Variants in SHANK2 observed in about 807,000 individuals in gnomAD.
SHANK2 encodes SH3 and multiple ankyrin repeat domains protein 2.
Under a neutral mutation model 133.7 loss-of-function variants are expected in SHANK2, and 43 were observed. The observed-to-expected ratio is 0.32, with a 90% CI of 0.25 to 0.41. SHANK2 has a LOEUF of 0.41. Ranked by LOEUF, SHANK2 falls within the 10% of genes least tolerant of loss-of-function variation. The pLI, the probability that SHANK2 is intolerant of heterozygous loss-of-function variation, is 1.00. For missense variants in SHANK2, 1,994 were observed against 2,235.8 expected (o/e 0.89, Z 2.18); for synonymous variants, 1,017 against 952.8 (o/e 1.07, Z -1.24).
chr11:70,661,557 A>T, intron 16 of SHANK2, 39 bp downstream of exon 16: 1 of 1,458,316 alleles, frequency 6.9e-7, no homozygotes, highest in Non-Finnish European at 9.5e-7. Flanking sequence ...ACACACACAA[A>T]CATGGGAACA....
At chr11:70,805,436 T>G (rs962116588) in intron 13 of SHANK2, among the ~76,000 whole-genome samples, 2 of 152,204 alleles carry the variant, frequency 1.3e-5, no homozygotes, top group African/African-American at 2.4e-5. Flanking sequence ...AGAACGGGGT[T>G]GCTAACAAGG....
At chr11:71,206,597 A>G (rs4245413) in intron 2 of SHANK2, among the ~76,000 whole-genome samples, 57,200 of 151,892 alleles carry the variant, frequency 0.38, 12,995 homozygotes, top group East Asian at 0.64. Context: ...ACCTCCAAAA[A>G]ACTAGCTTGC....
At chr11:70,613,512 T>C (rs377716304) in intron 17 of SHANK2, among the ~76,000 whole-genome samples, 1 of 151,994 alleles carries the variant, frequency 6.6e-6, no homozygotes, top group East Asian at 1.9e-4. Context: ...CATGTTTTTC[T>C]TTTTTTAAAA....
chr11:70,548,619 G>C (rs1345335838), intron 17 of SHANK2, among the ~76,000 whole-genome samples: 9 of 152,218 alleles, frequency 5.9e-5, no homozygotes, highest in Non-Finnish European at 1.0e-4. Context: ...GTGGTCTATG[G>C]GAGAGGCTGC....
chr11:71,237,171 T>A (rs1954835479), intron 1 of SHANK2, among the ~76,000 whole-genome samples: 1 of 152,178 alleles, frequency 6.6e-6, no homozygotes, highest in African/African-American at 2.4e-5. Context: ...GCTCCCCCTC[T>A]TGCTGCCCTT....
intron 10 of SHANK2, among the ~76,000 whole-genome samples, chr11:70,937,797 TG>T (rs1950592111): frequency 6.6e-6 from 1 of 151,930 alleles, no homozygotes; most frequent in African/African-American, 2.4e-5. Context: ...AACCGCTTAT[TG>T]TTGAGGAACA....
intron 24 of SHANK2, among the ~76,000 whole-genome samples, chr11:70,488,775 C>G (rs1374906045): frequency 1.3e-5 from 2 of 152,248 alleles, no homozygotes; most frequent in African/African-American, 4.8e-5. Context: ...TGTGGCTGAC[C>G]TGGCACAAAG....
intron 17 of SHANK2, among the ~76,000 whole-genome samples, chr11:70,504,129 C>T (rs368812583): frequency 2.0e-5 from 3 of 152,346 alleles, no homozygotes; most frequent in East Asian, 1.9e-4. Context: ...GCACCCTGAT[C>T]GTAAACAACA....
At chr11:70,513,740 G>T (rs2059233197) in intron 17 of SHANK2, among the ~76,000 whole-genome samples, 1 of 152,150 alleles carries the variant, frequency 6.6e-6, no homozygotes, top group Non-Finnish European at 1.5e-5. Flanking sequence ...GCATCAGCTG[G>T]GCTTAACATC....
intron 1 of SHANK2, among the ~76,000 whole-genome samples, chr11:71,225,198 G>A (rs1954619763): frequency 1.3e-5 from 2 of 152,174 alleles, no homozygotes; most frequent in Non-Finnish European, 2.9e-5. Context: ...CAGCTAACAG[G>A]GCAATATATT....
chr11:71,061,993 T>TC (rs1950993978), intron 9 of SHANK2, among the ~76,000 whole-genome samples: 5 of 144,734 alleles, frequency 3.5e-5, no homozygotes, highest in Admixed American at 6.8e-5. Context: ...TTTTTTTTTT[T>TC]CTTGAGACAG....
chr11:71,208,380 A>T (rs1405227679), intron 2 of SHANK2, among the ~76,000 whole-genome samples: 2 of 152,126 alleles, frequency 1.3e-5, no homozygotes, highest in Non-Finnish European at 2.9e-5. Context: ...CCAAGGATGG[A>T]CTGGGTGAGG....
chr11:70,543,549 G>C lies in SHANK2; in HGVS notation c.2062-40618C>G, dbSNP rs938201833. Among the ~76,000 whole-genome samples, 5 of 152,318 alleles carry C rather than the reference G, an allele frequency of 3.3e-5. No individual in the cohort carries two copies. The East Asian group carries it at 7.7e-4, about 24-fold the overall frequency. On this transcript the variant is annotated intron_variant, in intron 17 of 25. Coordinates refer to ENST00000601538, the MANE Select transcript of SHANK2 (RefSeq NM_012309.5). Reference sequence around the variant, plus strand: ...GAGTTTCTGAATAGATGAACACGTGGAGGTTCCTTGGGGGTGGCGTGCCTG... The same window carrying C: ...GAGTTTCTGAATAGATGAACACGTGCAGGTTCCTTGGGGGTGGCGTGCCTG...
chr11:70,698,944 G>A (rs1945460522), intron 14 of SHANK2, among the ~76,000 whole-genome samples, 181 bp from the exon 15 acceptor site: 3 of 152,142 alleles, frequency 2.0e-5, no homozygotes, highest in Admixed American at 1.3e-4. Context: ...GTGAAATTTG[G>A]GGAATGCATG....
intron 17 of SHANK2, among the ~76,000 whole-genome samples, chr11:70,567,230 C>T (rs1421636005): frequency 6.6e-6 from 1 of 152,176 alleles, no homozygotes; most frequent in Non-Finnish European, 1.5e-5. Context: ...CTCCGGTACT[C>T]AAGGGTGTGA....
chr11:70,485,837 C>T lies in SHANK2; in HGVS notation c.4456G>A (p.Val1486Ile), dbSNP rs781958792. The change falls in exon 25 of 26, where the codon GTC (valine) becomes ATC (isoleucine). Residue 1486 changes from valine to isoleucine, a missense_variant. Around this residue, in one of 5 missense-constraint regions of SHANK2, gnomAD observed 797 missense variants for 907.4 expected, o/e 0.88. Coordinates refer to ENST00000601538, the MANE Select transcript of SHANK2 (RefSeq NM_012309.5). This position sits in a 1 kb window ranked among gnomAD's most constrained non-coding sequence, Gnocchi z 5.8. ...FLPPPESFDAVADSGIEEVDS... is the reference protein window; with the variant it reads ...FLPPPESFDAIADSGIEEVDS... ...ACCTCCTCGATCCCAGAGTCGGCGACGGCGTCAAAGCTTTCAGGGGGTGGC... is the reference window on the plus strand; with the variant it reads ...ACCTCCTCGATCCCAGAGTCGGCGATGGCGTCAAAGCTTTCAGGGGGTGGC... 47 of 1,613,930 alleles carry T rather than the reference C, an allele frequency of 2.9e-5. No homozygotes were observed. Among genetic ancestry groups the T allele is most frequent in the South Asian group, 2.3e-4 (21 of 91,070 alleles).
intron 17 of SHANK2, among the ~76,000 whole-genome samples, chr11:70,636,288 T>G (rs1013542305): frequency 2.2e-4 from 33 of 152,172 alleles, no homozygotes; most frequent in African/African-American, 7.7e-4. Context: ...TGTACATGTA[T>G]GAGTATGTGT....
At chr11:70,596,517 C>T (rs1449160415) in intron 17 of SHANK2, among the ~76,000 whole-genome samples, 1 of 152,182 alleles carries the variant, frequency 6.6e-6, no homozygotes, top group African/African-American at 2.4e-5. Flanking sequence ...CCACCCCCAC[C>T]AGGCCTTGCT....
At chr11:71,218,542 T>C (rs1468743776) in intron 2 of SHANK2, among the ~76,000 whole-genome samples, 1 of 152,150 alleles carries the variant, frequency 6.6e-6, no homozygotes, top group Non-Finnish European at 1.5e-5. Context: ...GAATTACAGG[T>C]GTGAGCCCCC....
Sources: allele counts gnomAD v4.1 joint callset (sites outside exome capture counted in the v4.1 genomes callset), GRCh38; gene constraint gnomAD v4.1.1; regional missense constraint gnomAD v4.1.1; non-coding constraint Gnocchi (gnomAD v3.1); transcripts MANE v1.5; gene names NCBI Gene and HGNC (gene_info 2026-07-23, HGNC 2026-07-21).